The following STXBP6 variants were observed in gnomAD, a reference collection of about 807,000 sequenced individuals.
The protein encoded by STXBP6 is syntaxin-binding protein 6.
In STXBP6, 21 loss-of-function variants were observed where a neutral mutation model predicts 26.9. The ratio of observed to expected loss-of-function variants is 0.78; its 90% CI spans 0.55 to 1.12. The LOEUF (loss-of-function observed/expected upper bound fraction) is 1.12. Among genes scored for constraint, STXBP6 ranks in the 50% most tolerant of loss-of-function variants. The pLI is 0.00. For missense variants in STXBP6, 232 were observed against 257.9 expected, an observed-to-expected ratio of 0.90 and a Z score of 0.69; for synonymous variants, 97 against 92.6, an observed-to-expected ratio of 1.05 and a Z score of -0.27.
chr14:24,987,070 G>A (rs1317703402), intron 1 of STXBP6, among the ~76,000 whole-genome samples: 4 of 150,802 alleles, frequency 2.7e-5, no homozygotes, highest in African/African-American at 9.7e-5. Context: ...TGATAGGAAG[G>A]AAAAAAAAAT....
At chr14:24,845,206 G>T (rs528028347) in intron 4 of STXBP6, among the ~76,000 whole-genome samples, 1 of 151,950 alleles carries the variant, frequency 6.6e-6, no homozygotes, top group African/African-American at 2.4e-5. Context: ...TAGAGATGGG[G>T]TTTCACCGTG....
intron 1 of STXBP6, among the ~76,000 whole-genome samples, chr14:25,013,791 A>G (rs2075088249): frequency 6.6e-6 from 1 of 152,138 alleles, no homozygotes; most frequent in South Asian, 2.1e-4. Context: ...GTGAATCCAC[A>G]GATTAAAAGG....
intron 1 of STXBP6, among the ~76,000 whole-genome samples, chr14:25,012,501 G>A (rs2075053551): frequency 6.6e-6 from 1 of 152,178 alleles, no homozygotes; most frequent in Non-Finnish European, 1.5e-5. Flanking sequence ...GTCTGAGGCA[G>A]AGGAATCACA....
chr14:24,824,963 A>G (rs568990613), intron 4 of STXBP6, among the ~76,000 whole-genome samples: 1 of 152,238 alleles, frequency 6.6e-6, no homozygotes, highest in Admixed American at 6.5e-5. Flanking sequence ...CTATGTCGGC[A>G]TTTGCCAAAG....
chr14:24,876,762 G>A (rs1037238628), intron 2 of STXBP6, among the ~76,000 whole-genome samples: 3 of 152,186 alleles, frequency 2.0e-5, no homozygotes, highest in Non-Finnish European at 2.9e-5. Flanking sequence ...TTGGGTCTGC[G>A]AAGGCACTTA....
chr14:25,005,813 A>C (rs1368173845), intron 1 of STXBP6, among the ~76,000 whole-genome samples: 2 of 152,132 alleles, frequency 1.3e-5, no homozygotes, highest in Admixed American at 1.3e-4. Flanking sequence ...AAACTAAAAA[A>C]AAAAAAGCTA....
rs1317042826 is a variant in STXBP6 at position 25,013,894 on chromosome 14, AT to A, written c.-33+35983del. ...GAAAAATAATGAGAAAAACAAACAA[AT>A]GTGAACACTGACTAAATAGCCCATA... On this transcript the variant is annotated intron_variant, in intron 1 of 5. Coordinates refer to ENST00000323944, the MANE Select transcript of STXBP6 (RefSeq NM_001394410.1). 3.2e-4 allele frequency among the ~76,000 whole-genome samples: 49 copies of A among 152,302 alleles called. 1 individual carries two copies. Among genetic ancestry groups the A allele is most frequent in the African/African-American group, 1.1e-3 (45 of 41,580 alleles).
At chr14:24,845,260 C>T (rs1380496648) in intron 4 of STXBP6, among the ~76,000 whole-genome samples, 3 of 152,174 alleles carry the variant, frequency 2.0e-5, no homozygotes, top group African/African-American at 7.2e-5. Context: ...GATCTGCCCA[C>T]CTTGGCCTCC....
At chr14:24,823,323 GAGTAA>G (rs2068193724) in intron 4 of STXBP6, among the ~76,000 whole-genome samples, 1 of 152,110 alleles carries the variant, frequency 6.6e-6, no homozygotes, top group South Asian at 2.1e-4. Flanking sequence ...TGAGAAAAAA[GAGTAA>G]AGTATATTGA....
At chr14:24,820,938 A>G (rs1006705927) in intron 4 of STXBP6, among the ~76,000 whole-genome samples, 1 of 152,180 alleles carries the variant, frequency 6.6e-6, no homozygotes, top group African/African-American at 2.4e-5. Context: ...TGCGCAGACT[A>G]GCATACAGAT....
At position 25,049,073 on chromosome 14, in the gene STXBP6, C is replaced by T. The variant is rs2075766681; in HGVS notation, c.-33+805G>A. ...GCAGATACACCCCGGGGACTTTCTC[C>T]TAAAGAACAAGATGTCTTTCCAAAT... On this transcript the variant is annotated intron_variant, in intron 1 of 5. Coordinates refer to ENST00000323944, the MANE Select transcript of STXBP6 (RefSeq NM_001394410.1). The surrounding 1 kb of genome is among the most constrained non-coding windows in gnomAD (Gnocchi z 5.6). The T allele has an allele frequency of 1.2e-6, 1 of 866,686 alleles. No individual in the cohort carries two copies. The highest frequency in any genetic ancestry group is 1.4e-6 in the Non-Finnish European group (1 of 721,536). 53.7% of individuals were successfully genotyped at this position (866,686 alleles called of 1,614,324 possible).
At position 24,994,222 on chromosome 14, in the gene STXBP6, C is replaced by T. The variant is rs74037428; in HGVS notation, c.-32-19372G>A. On this transcript the variant is annotated intron_variant, in intron 1 of 5. Transcript: ENST00000323944. ...GATTGTGGGATTGATTTCTTACCTCCGACCTTTAACGGTGATGACCTTCTT... is the reference window on the plus strand; with the variant it reads ...GATTGTGGGATTGATTTCTTACCTCTGACCTTTAACGGTGATGACCTTCTT... Among the ~76,000 whole-genome samples the T allele has an allele frequency of 5.3e-3, 811 of 152,264 alleles. 8 individuals are homozygous for T. Among genetic ancestry groups the T allele is most frequent in the African/African-American group, 0.018 (768 of 41,540 alleles).
At chr14:24,991,329 A>G (rs1409936628) in intron 1 of STXBP6, among the ~76,000 whole-genome samples, 2 of 152,244 alleles carry the variant, frequency 1.3e-5, no homozygotes, top group African/African-American at 2.4e-5. Flanking sequence ...AAAAGAACCA[A>G]CAAAAGCAAT....
intron 1 of STXBP6, among the ~76,000 whole-genome samples, chr14:24,979,034 A>G (rs956117873): frequency 6.6e-6 from 1 of 152,228 alleles, no homozygotes. Context: ...GGCATTCATT[A>G]TCATGCAGGT....
At chr14:24,834,504 AT>A (rs1031220400) in intron 4 of STXBP6, among the ~76,000 whole-genome samples, 33 of 152,318 alleles carry the variant, frequency 2.2e-4, no homozygotes, top group African/African-American at 7.9e-4. Flanking sequence ...ATCCTTAGGT[AT>A]TGAGGAATAA....
chr14:24,903,990 CT>C (rs2071300485), intron 2 of STXBP6, among the ~76,000 whole-genome samples: 1 of 152,170 alleles, frequency 6.6e-6, no homozygotes, highest in African/African-American at 2.4e-5. Flanking sequence ...AAGAGTTTGG[CT>C]GACCAAACCT....
In STXBP6 at chr14:25,049,134, A is replaced by T; in HGVS notation, c.-33+744T>A. 1 of 983,462 alleles carries T rather than the reference A, an allele frequency of 1.0e-6. No individual in the cohort carries two copies. The highest frequency in any genetic ancestry group is 1.2e-6 in the Non-Finnish European group (1 of 828,130). 60.9% of individuals were successfully genotyped at this position (983,462 alleles called of 1,614,324 possible). On this transcript the variant is annotated intron_variant, in intron 1 of 5. Transcript: ENST00000323944. The surrounding 1 kb of genome is among the most constrained non-coding windows in gnomAD (Gnocchi z 5.6). ...CAGGTCCTGTCCTCTGTGAAGATGA[A>T]CGGGGTGGGGTGGTGAGGTGGCGGG...
At chr14:24,990,198 G>C (rs1200141044) in intron 1 of STXBP6, among the ~76,000 whole-genome samples, 1 of 152,148 alleles carries the variant, frequency 6.6e-6, no homozygotes, top group Non-Finnish European at 1.5e-5. Flanking sequence ...TCATGCCTCA[G>C]AATGTCTTGC....
chr14:25,026,099 T>C (rs527527502), intron 1 of STXBP6, among the ~76,000 whole-genome samples: 10 of 152,324 alleles, frequency 6.6e-5, no homozygotes, highest in Admixed American at 5.2e-4. Context: ...ACTGCTATTA[T>C]AGCACCTTGC....
Sources: allele counts gnomAD v4.1 joint callset (sites outside exome capture counted in the v4.1 genomes callset), GRCh38; gene constraint gnomAD v4.1.1; non-coding constraint Gnocchi (gnomAD v3.1); transcripts MANE v1.5; gene names NCBI Gene and HGNC (gene_info 2026-07-23, HGNC 2026-07-21).